The following INTS8 variants were observed in gnomAD, a reference collection of about 807,000 sequenced individuals.
The protein encoded by INTS8 is protein kaonashi-1.
In INTS8, 47 loss-of-function variants were observed where a neutral mutation model predicts 138.9. The observed-to-expected ratio is 0.34, with a 90% confidence interval of 0.27 to 0.43. INTS8 has a LOEUF of 0.43. Ranked by LOEUF, INTS8 falls within the 20% of genes least tolerant of loss-of-function variation. The pLI is 1.00. For synonymous variants in INTS8, 392 were observed against 400.9 expected, an observed-to-expected ratio of 0.98 and a Z score of 0.27; for missense variants, 996 against 1,173.0, an observed-to-expected ratio of 0.85 and a Z score of 2.20.
At position 94,827,776 on chromosome 8, in the gene INTS8, AC is replaced by A; in HGVS notation, c.506del (p.Pro169LeufsTer3). On this transcript the variant is annotated frameshift_variant, in exon 4 of 27. Coordinates refer to ENST00000523731, the MANE Select transcript of INTS8 (RefSeq NM_017864.4). LOFTEE classifies it high-confidence loss of function. ...SFPVKQAKPG[P>X]PQLSVMNQMQ... ...TTCCAGTCAAACAGGCAAAACCCGG[AC>A]CCCCTCAGTTAAGTGTGTAAGTTGG... 1 of 1,613,896 alleles carries A rather than the reference AC, an allele frequency of 6.2e-7. No individual in the cohort carries two copies. Among genetic ancestry groups the A allele is most frequent in the Non-Finnish European group, 8.5e-7 (1 of 1,179,820 alleles).
chr8:94,826,516 A>G (rs550310392), intron 2 of INTS8, among the ~76,000 whole-genome samples: 2 of 152,364 alleles, frequency 1.3e-5, no homozygotes, highest in Non-Finnish European at 2.9e-5. Context: ...AATGGGTACA[A>G]AGAAGTATGA....
At chr8:94,828,572 C>G (rs79802026) in intron 4 of INTS8, among the ~76,000 whole-genome samples, 6 of 152,000 alleles carry the variant, frequency 3.9e-5, no homozygotes, top group Admixed American at 3.3e-4. Context: ...AGCTAGAAAG[C>G]ATAGTTTCTA....
chr8:94,836,320 G>T (rs1471051541), intron 6 of INTS8, among the ~76,000 whole-genome samples: 1 of 152,158 alleles, frequency 6.6e-6, no homozygotes, highest in African/African-American at 2.4e-5. Flanking sequence ...AATCTACTCA[G>T]TAAATCAATA....
rs751609337 is a variant in INTS8, at chr8:94,838,557, C to T, written c.956C>T (p.Thr319Ile). The T allele has an allele frequency of 3.1e-6, 5 of 1,613,020 alleles. No homozygotes were observed. The Admixed American group carries it at 6.7e-5, about 22-fold the overall frequency. ...CDVLVPSSDSTSQQLTPYSQV... is the reference protein window; with the variant it reads ...CDVLVPSSDSISQQLTPYSQV... ...GTTCTTGTACCTTCTTCTGATAGTA[C>T]ATCTCAACAGTTGACTCCATATAGT... The change falls in exon 8 of 27, where the codon ACA (threonine) becomes ATA (isoleucine). Residue 319 changes from threonine to isoleucine, a missense_variant. Transcript: ENST00000523731.
At position 94,841,635 on chromosome 8, in the gene INTS8, G is replaced by A. The variant is rs780821655; in HGVS notation, c.1118+44G>A. ...TACTTCTTGATTTTTGAATAAAACA[G>A]CAAGTGCATTCTGGTTTATCAAAAC... On this transcript the variant is annotated intron_variant, in intron 9 of 26. Transcript: ENST00000523731. 9.3e-6 allele frequency: 9 copies of A among 971,936 alleles called. No individual in the cohort carries two copies. In the East Asian group the frequency reaches 2.0e-4, roughly 21 times the overall value. 60.2% of individuals were successfully genotyped at this position (971,936 alleles called of 1,614,324 possible). A position where few individuals can be genotyped will look rare whatever the true frequency, so the allele number is the denominator to read the frequency against.
At chr8:94,834,167 C>T (rs1340034893) in intron 6 of INTS8, among the ~76,000 whole-genome samples, 7 of 152,178 alleles carry the variant, frequency 4.6e-5, no homozygotes, top group Non-Finnish European at 8.8e-5. Context: ...TAATGCCCTT[C>T]AGGGCAGCTT....
At chr8:94,842,061 T>G in intron 9 of INTS8, among the ~76,000 whole-genome samples, 1 of 142,994 alleles carries the variant, frequency 7.0e-6, no homozygotes, top group African/African-American at 2.6e-5. Flanking sequence ...AAAGCAAGAC[T>G]CCGTCTCAAA....
chr8:94,876,470 C>A lies in INTS8; in HGVS notation c.2852C>A (p.Thr951Lys). Residue 951 changes from threonine to lysine, a missense_variant, in exon 26 of 27, where the codon ACA becomes AAA. Physicochemically the swap from Thr to Lys is moderately conservative, Grantham distance 78. Transcript: ENST00000523731. The part of the protein sequence containing the change: ...LTYLHHKRGE[T>K]DKRQIAIKAI... ...GATCTTCATCATAAAAGAGGAGAAA[C>A]AGATAAAAGACAAATTGCAGTAAGT... 1 of 1,555,244 alleles carries A rather than the reference C, an allele frequency of 6.4e-7. No homozygotes were observed. Among genetic ancestry groups the A allele is most frequent in the Non-Finnish European group, 8.8e-7 (1 of 1,133,388 alleles).
chr8:94,877,258 TC>T (rs1463809077), intron 26 of INTS8, among the ~76,000 whole-genome samples: 3 of 152,238 alleles, frequency 2.0e-5, no homozygotes, highest in African/African-American at 7.2e-5. Flanking sequence ...TGTGGCAGTA[TC>T]ACCACAGATC....
intron 15 of INTS8, among the ~76,000 whole-genome samples, chr8:94,858,889 C>T (rs1336581048): frequency 1.3e-5 from 2 of 152,224 alleles, no homozygotes; most frequent in East Asian, 3.9e-4. Context: ...GGACTGATAG[C>T]TCTGCATATA....
chr8:94,829,984 C>G (rs181900512), intron 5 of INTS8, among the ~76,000 whole-genome samples: 22 of 152,150 alleles, frequency 1.4e-4, no homozygotes, highest in African/African-American at 5.3e-4. Flanking sequence ...GCAACTTCGC[C>G]TCCCTGCTTC....
Position 94,856,825 on chromosome 8 carries a change from A to G in INTS8, c.1801A>G (p.Thr601Ala). The change falls in exon 15 of 27, where the codon ACA (threonine) becomes GCA (alanine). Residue 601 changes from threonine to alanine, a missense_variant. Transcript: ENST00000523731. ...CTTTGCTGCTTGTTTGGAGTTGGTAACAGAGTTCTCACCGAAGCTTCGTCA... is the reference window on the plus strand; with the variant it reads ...CTTTGCTGCTTGTTTGGAGTTGGTAGCAGAGTTCTCACCGAAGCTTCGTCA... ...QLFAACLELV[T>A]EFSPKLRQVM... 6.2e-7 allele frequency: 1 copy of G among 1,614,140 alleles called. No individual in the cohort carries two copies. Among genetic ancestry groups the G allele is most frequent in the Non-Finnish European group, 8.5e-7 (1 of 1,180,030 alleles).
chr8:94,827,481 A>G (rs940458878), intron 3 of INTS8, 78 bp downstream of exon 3: 25 of 1,490,060 alleles, frequency 1.7e-5, no homozygotes, highest in African/African-American at 4.2e-5. Context: ...ATATTCTTTT[A>G]ATGGACCCAT....
At chr8:94,869,970 A>G (rs1816333247) in intron 20 of INTS8, among the ~76,000 whole-genome samples, 1 of 152,150 alleles carries the variant, frequency 6.6e-6, no homozygotes, top group Admixed American at 6.5e-5. Context: ...GACCTTCAAT[A>G]AGTTGGTTTC....
rs930397760 is a variant in INTS8 at position 94,880,406 on chromosome 8, G to A, written c.*172G>A. On this transcript the variant is annotated 3_prime_UTR_variant, in exon 27 of 27. Transcript: ENST00000523731. Reference sequence around the variant, plus strand: ...CAAACTATACAGAAGACTTCATACCGTAACAATAAATGTATAGTTTCTTCA... The same window carrying A: ...CAAACTATACAGAAGACTTCATACCATAACAATAAATGTATAGTTTCTTCA... The A allele has an allele frequency of 2.2e-5, 9 of 404,576 alleles. No homozygotes were observed. Among genetic ancestry groups the A allele is most frequent in the Non-Finnish European group, 3.1e-5 (7 of 226,848 alleles). The allele number at this position is 404,576 out of a possible 1,614,324, so 25.1% of individuals were successfully genotyped here.
intron 10 of INTS8, among the ~76,000 whole-genome samples, chr8:94,849,209 T>C (rs941225037): frequency 3.3e-5 from 5 of 152,206 alleles, no homozygotes; most frequent in Non-Finnish European, 7.4e-5. Context: ...GAGAACTGTA[T>C]AGCATGGTAA....
At chr8:94,867,540 T>C (rs1200496619) in intron 20 of INTS8, 2 of 408,822 alleles carry the variant, frequency 4.9e-6, no homozygotes, top group East Asian at 4.2e-5. Context: ...TTTTTTTTTT[T>C]TGAGGCAGAG....
intron 26 of INTS8, among the ~76,000 whole-genome samples, chr8:94,878,078 T>G (rs1407818654): frequency 6.6e-6 from 1 of 152,158 alleles, no homozygotes; most frequent in Non-Finnish European, 1.5e-5. Context: ...CGTCTTCCCT[T>G]TATCCTTTAC....
At chr8:94,829,192 C>T (rs1260927419) in intron 5 of INTS8, among the ~76,000 whole-genome samples, 166 bp downstream of exon 5, 2 of 151,860 alleles carry the variant, frequency 1.3e-5, no homozygotes, top group South Asian at 2.1e-4. Context: ...GATTCAAGCA[C>T]GTTACATTTA....
Sources: gnomAD v4.1 joint callset for allele counts (sites outside exome capture counted in the v4.1 genomes callset) on GRCh38, gnomAD v4.1.1 for gene constraint, MANE v1.5 for transcripts, NCBI Gene and HGNC (gene_info 2026-07-23, HGNC 2026-07-21) for gene names.